Variants in MAP3K1 observed in about 807,000 individuals in gnomAD.
The protein encoded by MAP3K1 is MAP/ERK kinase kinase 1.
A neutral mutation model predicts 144.2 loss-of-function variants in MAP3K1; 36 were observed. The observed-to-expected ratio is 0.25, with a 90% CI of 0.19 to 0.33. MAP3K1 has a LOEUF of 0.33. Among genes scored for constraint, MAP3K1 ranks in the 10% least tolerant of loss-of-function variants. The probability of loss-of-function intolerance (pLI) is 1.00; values close to 1 mark genes in which losing one functional copy is unlikely to be tolerated. For missense variants in MAP3K1, 1,650 were observed against 1,881.9 expected (o/e 0.88, Z 2.28); for synonymous variants, 718 against 688.7 (o/e 1.04, Z -0.67).
intron 1 of MAP3K1, among the ~76,000 whole-genome samples, chr5:56,816,717 G>T (rs932808941): frequency 6.6e-6 from 1 of 152,196 alleles, no homozygotes; most frequent in Non-Finnish European, 1.5e-5. Context: ...TGTCAAAGCC[G>T]TGCGGCGGGA....
intron 1 of MAP3K1, among the ~76,000 whole-genome samples, chr5:56,840,201 A>T (rs1247978337): frequency 1.3e-5 from 2 of 152,066 alleles, no homozygotes; most frequent in African/African-American, 4.8e-5. Flanking sequence ...AGGCCGGAGT[A>T]CAGTGCCCTG....
intron 16 of MAP3K1, among the ~76,000 whole-genome samples, 183 bp from the exon 17 acceptor site, chr5:56,885,749 G>T (rs551578138): frequency 2.0e-5 from 3 of 152,182 alleles, no homozygotes; most frequent in African/African-American, 4.8e-5. Context: ...TGTGGGTTCT[G>T]TGAAAATGTC....
chr5:56,863,331 C>A (rs1747575868), intron 3 of MAP3K1, among the ~76,000 whole-genome samples: 1 of 152,218 alleles, frequency 6.6e-6, no homozygotes, highest in African/African-American at 2.4e-5. Context: ...CAACCCTAGG[C>A]AACCACTAAT....
intron 3 of MAP3K1, among the ~76,000 whole-genome samples, chr5:56,863,113 C>CA (rs1747568649): frequency 6.6e-6 from 1 of 152,170 alleles, no homozygotes; most frequent in Non-Finnish European, 1.5e-5. Flanking sequence ...CCAAGTAAGG[C>CA]AAACACCTAG....
intron 1 of MAP3K1, among the ~76,000 whole-genome samples, chr5:56,845,641 T>C (rs960529950): frequency 6.6e-6 from 1 of 152,196 alleles, no homozygotes; most frequent in Non-Finnish European, 1.5e-5. Context: ...AAAACTGTTT[T>C]GTTTTGTTTT....
At position 56,881,752 on chromosome 5, in the gene MAP3K1, G is replaced by C. The variant is rs1748214868; in HGVS notation, c.2552G>C (p.Arg851Thr). The change falls in exon 14 of 20, where the codon AGG becomes ACG. Residue 851 changes from arginine (R) to threonine (T), a missense_variant. Coordinates refer to ENST00000399503, the MANE Select transcript of MAP3K1 (RefSeq NM_005921.2). ...LSVSSSTHFTRMRRRLMAIAD... is the reference protein window; with the variant it reads ...LSVSSSTHFTTMRRRLMAIAD... The stretch of plus-strand genomic sequence containing the variant: ...GTTTCCAGTTCCACTCACTTCACCA[G>C]GATGCGTCGCCGTTTGATGGCTATT... 6.2e-7 allele frequency: 1 copy of C among 1,613,998 alleles called. No individual in the cohort carries two copies. Among genetic ancestry groups the C allele is most frequent in the African/African-American group, 1.3e-5 (1 of 74,902 alleles).
chr5:56,833,640 A>G (rs757885898), intron 1 of MAP3K1, among the ~76,000 whole-genome samples: 2 of 152,208 alleles, frequency 1.3e-5, no homozygotes, highest in Non-Finnish European at 2.9e-5. Flanking sequence ...GCTGTTTACA[A>G]ATGAGCCTTG....
chr5:56,825,336 A>G (rs1272991479), intron 1 of MAP3K1, among the ~76,000 whole-genome samples: 8 of 152,182 alleles, frequency 5.3e-5, no homozygotes, highest in Admixed American at 3.9e-4. Flanking sequence ...TAAATAACCA[A>G]ATTTCAAGTT....
chr5:56,825,639 ATT>A (rs949928762), intron 1 of MAP3K1, among the ~76,000 whole-genome samples: 99 of 152,152 alleles, frequency 6.5e-4, no homozygotes, highest in African/African-American at 2.1e-3. Flanking sequence ...AAACACTGCC[ATT>A]GTCTCTTTAA....
At chr5:56,816,356 C>T (rs1229485070) in intron 1 of MAP3K1, among the ~76,000 whole-genome samples, 3 of 151,976 alleles carry the variant, frequency 2.0e-5, no homozygotes, top group Non-Finnish European at 4.4e-5. Context: ...CCACGGCTGG[C>T]TTTGTGGGAC....
At chr5:56,872,573 CA>C in intron 7 of MAP3K1, 67 bp from the exon 8 acceptor site, 1 of 894,452 alleles carries the variant, frequency 1.1e-6, no homozygotes, top group African/African-American at 1.7e-5. Flanking sequence ...TAATTATAAA[CA>C]GTTATGAAAT....
At chr5:56,872,324 A>C (rs1747880761) in intron 7 of MAP3K1, among the ~76,000 whole-genome samples, 2 of 152,188 alleles carry the variant, frequency 1.3e-5, no homozygotes, top group Non-Finnish European at 2.9e-5. Context: ...GAAGGGAAGG[A>C]GGTGGAAGAA....
chr5:56,844,228 C>T (rs376973018), intron 1 of MAP3K1, among the ~76,000 whole-genome samples: 4 of 111,208 alleles, frequency 3.6e-5, no homozygotes, highest in South Asian at 6.1e-4. Context: ...CTCGCTCTGT[C>T]GCCCAGGCTG....
In MAP3K1 at chr5:56,815,783, G is replaced by C. The variant is rs1745928781; in HGVS notation, c.210G>C (p.Leu70=). 1 of 1,420,120 alleles carries C rather than the reference G, an allele frequency of 7.0e-7. No homozygotes were observed. Among genetic ancestry groups the C allele is most frequent in the South Asian group, 1.4e-5 (1 of 71,456 alleles). 88.0% of individuals were successfully genotyped at this position (1,420,120 alleles called of 1,614,324 possible). Residue 70 remains leucine, a synonymous_variant, in exon 1 of 20, where the codon CTG becomes CTC. Transcript: ENST00000399503. ...RQLRKVRSVE[L]DQLPEQPLFL... is the part of the protein sequence containing the mutation. The stretch of plus-strand genomic sequence containing the variant: ...TGCGCAAAGTGCGGAGTGTGGAGCT[G>C]GACCAGCTGCCTGAGCAGCCGCTCT...
intron 9 of MAP3K1, among the ~76,000 whole-genome samples, chr5:56,874,059 G>A (rs1747941076): frequency 6.6e-6 from 1 of 152,052 alleles, no homozygotes; most frequent in Non-Finnish European, 1.5e-5. Context: ...TACATTCCTA[G>A]CTTTTTATTA....
chr5:56,873,747 C>T (rs1050426996), intron 9 of MAP3K1, among the ~76,000 whole-genome samples: 1 of 152,118 alleles, frequency 6.6e-6, no homozygotes, highest in East Asian at 1.9e-4. Flanking sequence ...ACACATTGAG[C>T]TTATATATCA....
At chr5:56,865,278 A>C in intron 4 of MAP3K1, 62 bp from the exon 5 acceptor site, 1 of 956,560 alleles carries the variant, frequency 1.0e-6, no homozygotes, top group Admixed American at 1.9e-5. Flanking sequence ...AAAGTGATAA[A>C]TTTAGAAGTT....
intron 10 of MAP3K1, among the ~76,000 whole-genome samples, chr5:56,877,801 C>T (rs1748086826): frequency 1.3e-5 from 2 of 152,254 alleles, no homozygotes; most frequent in South Asian, 4.1e-4. Flanking sequence ...TCCAGGATCC[C>T]ACAGTGCATT....
intron 6 of MAP3K1, among the ~76,000 whole-genome samples, chr5:56,868,868 T>C (rs1441354278): frequency 6.6e-6 from 1 of 152,108 alleles, no homozygotes; most frequent in African/African-American, 2.4e-5. Context: ...CATAGTGGAA[T>C]ATTACTCAGC....
Sources: allele counts gnomAD v4.1 joint callset (sites outside exome capture counted in the v4.1 genomes callset), GRCh38; gene constraint gnomAD v4.1.1; transcripts MANE v1.5; gene names NCBI Gene and HGNC (gene_info 2026-07-23, HGNC 2026-07-21).